The following SARDH variants were observed in gnomAD, a reference collection of about 807,000 sequenced individuals.
The protein encoded by SARDH is sarcosine dehydrogenase, mitochondrial.
Under a neutral mutation model 109.1 loss-of-function variants are expected in SARDH, and 95 were observed. The ratio of observed to expected loss-of-function variants is 0.87; its 90% CI spans 0.74 to 1.03. SARDH has a LOEUF of 1.03. Ranked by LOEUF, SARDH falls within the 50% of genes least tolerant of loss-of-function variation. The pLI is 0.00. For missense variants in SARDH, 1,267 were observed against 1,287.8 expected, an observed-to-expected ratio of 0.98 and a Z score of 0.25; for synonymous variants, 572 against 534.8, an observed-to-expected ratio of 1.07 and a Z score of -0.96.
At position 133,668,358 on chromosome 9, in the gene SARDH, T is replaced by C. The variant is rs7044103; in HGVS notation, c.2496-1488A>G. ...CTCCCTCATTCTCCCTCACCCTCCCTCTCCCTCACCCTCATTCTCCCTCAG... is the reference window on the plus strand; with the variant it reads ...CTCCCTCATTCTCCCTCACCCTCCCCCTCCCTCACCCTCATTCTCCCTCAG... On this transcript the variant is annotated intron_variant, in intron 19 of 20. Transcript: ENST00000439388. 2.2e-3 allele frequency among the ~76,000 whole-genome samples: 168 copies of C among 76,484 alleles called. 4 individuals are homozygous for C. Among genetic ancestry groups the C allele is most frequent in the African/African-American group, 8.9e-3 (158 of 17,752 alleles). 50.2% of individuals were successfully genotyped at this position (76,484 alleles called of 152,430 possible). A position where few individuals can be genotyped will look rare whatever the true frequency, so the allele number is the denominator to read the frequency against.
intron 6 of SARDH, among the ~76,000 whole-genome samples, chr9:133,719,469 G>A (rs1444754751): frequency 1.3e-5 from 2 of 152,138 alleles, no homozygotes; most frequent in African/African-American, 2.4e-5. Flanking sequence ...GGGAGACTGA[G>A]CAAGGCAAGC....
rs968107225 is a variant in SARDH, at chr9:133,716,716, G to A, written c.1150+610C>T. Among the ~76,000 whole-genome samples the A allele has an allele frequency of 2.0e-5, 3 of 152,332 alleles. No homozygotes were observed. The East Asian group carries it at 5.8e-4, about 29-fold the overall frequency. On this transcript the variant is annotated intron_variant, in intron 8 of 20. Coordinates refer to ENST00000439388, the MANE Select transcript of SARDH (RefSeq NM_001134707.2). Reference sequence around the variant, plus strand: ...CAGCCTCTTCCAGCTAAGTTCTCCTGGGGCTAGCAAGGAGGGCCAGAGTTA... The same window carrying A: ...CAGCCTCTTCCAGCTAAGTTCTCCTAGGGCTAGCAAGGAGGGCCAGAGTTA...
intron 15 of SARDH, 112 bp downstream of exon 15, chr9:133,694,146 A>T: frequency 1.3e-6 from 1 of 755,762 alleles, no homozygotes; most frequent in Non-Finnish European, 2.1e-6. Flanking sequence ...CACAACAGCT[A>T]ATGACAGAGC....
intron 19 of SARDH, among the ~76,000 whole-genome samples, chr9:133,670,370 C>T (rs961483864): frequency 6.6e-6 from 1 of 150,900 alleles, no homozygotes; most frequent in Non-Finnish European, 1.5e-5. Flanking sequence ...CTCTGCCTTT[C>T]TGCCTTTAAC....
chr9:133,696,163 G>T (rs544046504), intron 14 of SARDH, 60 bp downstream of exon 14: 1 of 1,600,136 alleles, frequency 6.2e-7, no homozygotes, highest in Non-Finnish European at 8.5e-7. Flanking sequence ...GCTCATCTCA[G>T]TGCCTGAGGC....
chr9:133,735,896 C>A (rs575043953), intron 1 of SARDH, among the ~76,000 whole-genome samples: 1 of 140,994 alleles, frequency 7.1e-6, no homozygotes, highest in Non-Finnish European at 1.6e-5. Flanking sequence ...ATACATTAGC[C>A]GGGGGTGGTG....
chr9:133,708,685 C>T (rs1831798008), intron 10 of SARDH, among the ~76,000 whole-genome samples: 1 of 152,074 alleles, frequency 6.6e-6, no homozygotes, highest in South Asian at 2.1e-4. Flanking sequence ...CTCTCATCCC[C>T]CACAGGGACA....
Position 133,704,945 on chromosome 9 carries a change from C to CA in SARDH, c.1554+2dup, listed in dbSNP as rs759973503. The CA allele has an allele frequency of 2.5e-6, 4 of 1,572,620 alleles. No homozygotes were observed. In the African/African-American group the frequency reaches 5.4e-5, roughly 21 times the overall value. On this transcript the variant is annotated splice_region_variant and intron_variant, in intron 12 of 20. Transcript: ENST00000439388. This position sits in a 1 kb window ranked among gnomAD's most constrained non-coding sequence, Gnocchi z 4.5. Reference sequence around the variant, plus strand: ...GCAGCACAGCCCAGCAGGCACTACTCACCGGAGCTGGGCCTCGGGGATGAA... The same window carrying CA: ...GCAGCACAGCCCAGCAGGCACTACTCAACCGGAGCTGGGCCTCGGGGATGAA...
chr9:133,735,261 G>A (rs895410244), intron 1 of SARDH, among the ~76,000 whole-genome samples: 2 of 152,166 alleles, frequency 1.3e-5, no homozygotes, highest in African/African-American at 2.4e-5. Flanking sequence ...GTGGTGTCCC[G>A]GCTCTGCTCC....
rs541942153 is a variant in SARDH, at chr9:133,728,048, C to T, written c.915+1717G>A. Among the ~76,000 whole-genome samples, 12 of 152,160 alleles carry T rather than the reference C, an allele frequency of 7.9e-5. No individual in the cohort carries two copies. The highest frequency in any genetic ancestry group is 3.9e-4 in the East Asian group (2 of 5,172). On this transcript the variant is annotated intron_variant, in intron 6 of 20. Coordinates refer to ENST00000439388, the MANE Select transcript of SARDH (RefSeq NM_001134707.2). The surrounding 1 kb of genome is among the most constrained non-coding windows in gnomAD (Gnocchi z 5.0). ...GGGGAGGAGGCTCTCCCCAGGGACC[C>T]GGAGCCAGGGAGGAGGCCTCAGCAC...
Position 133,722,850 on chromosome 9 carries a change from G to A in SARDH, c.916-3808C>T, listed in dbSNP as rs148051371. On this transcript the variant is annotated intron_variant, in intron 6 of 20. Coordinates refer to ENST00000439388, the MANE Select transcript of SARDH (RefSeq NM_001134707.2). ...ATTTTTGTGTTTTTAGTAGAGACAGGGTTTCACCATGTTGGCCAGGCTGGT... is the reference window on the plus strand; with the variant it reads ...ATTTTTGTGTTTTTAGTAGAGACAGAGTTTCACCATGTTGGCCAGGCTGGT... 1.3e-3 allele frequency among the ~76,000 whole-genome samples: 199 copies of A among 152,140 alleles called. 1 individual carries two copies. The highest frequency in any genetic ancestry group is 4.6e-3 in the African/African-American group (189 of 41,512).
chr9:133,729,682 A>G, intron 6 of SARDH, 83 bp downstream of exon 6: 1 of 1,248,600 alleles, frequency 8.0e-7, no homozygotes, highest in Non-Finnish European at 1.1e-6. Flanking sequence ...CAAGGGTCAC[A>G]CCACCTGGGT....
chr9:133,707,246 C>G (rs1381806298), intron 11 of SARDH, among the ~76,000 whole-genome samples: 1 of 152,212 alleles, frequency 6.6e-6, no homozygotes, highest in Non-Finnish European at 1.5e-5. Context: ...CTGCTCAGTT[C>G]TGAGGAATGC....
At chr9:133,731,906 A>G (rs1832696227) in intron 3 of SARDH, among the ~76,000 whole-genome samples, 1 of 151,416 alleles carries the variant, frequency 6.6e-6, no homozygotes, top group South Asian at 2.1e-4. Context: ...CCAGCTGTCA[A>G]GAGAGGCCAA....
chr9:133,694,953 C>T (rs1831230702), intron 14 of SARDH, among the ~76,000 whole-genome samples: 1 of 152,048 alleles, frequency 6.6e-6, no homozygotes, highest in South Asian at 2.1e-4. Context: ...AGGTGAGCAG[C>T]AGGTGCCTGG....
rs774387661 is a variant in SARDH at position 133,703,025 on chromosome 9, A to G, written c.1559T>C (p.Leu520Pro). Residue 520 changes from leucine (L) to proline (P), a missense_variant, in exon 13 of 21, where the codon CTC becomes CCC. Coordinates refer to ENST00000439388, the MANE Select transcript of SARDH (RefSeq NM_001134707.2). ...WFHPRGPAPV[L>P]EYDYYGAYGS... ...GTAAGCCCCGTAGTAGTCGTACTCG[A>G]GGACCTGGGAAGAAAAGACGTGGTC... 1.9e-6 allele frequency: 3 copies of G among 1,612,572 alleles called. No individual in the cohort carries two copies. Among genetic ancestry groups the G allele is most frequent in the Non-Finnish European group, 2.5e-6 (3 of 1,179,760 alleles).
In SARDH at chr9:133,731,311, T is replaced by C; in HGVS notation, c.684A>G (p.Gly228=). 6.2e-7 allele frequency: 1 copy of C among 1,614,068 alleles called. No individual in the cohort carries two copies. Among genetic ancestry groups the C allele is most frequent in the Non-Finnish European group, 8.5e-7 (1 of 1,179,984 alleles). ...TTLARAASAR[G]AQVIENCPVT... ...GCCAGGCGGCCATCAGTACCTGTGCTCCTCGGGCAGAAGCTGCCCTGGCGA... is the reference window on the plus strand; with the variant it reads ...GCCAGGCGGCCATCAGTACCTGTGCCCCTCGGGCAGAAGCTGCCCTGGCGA... Residue 228 remains glycine, a synonymous_variant, in exon 4 of 21, where the codon GGA becomes GGG. Transcript: ENST00000439388.
intron 11 of SARDH, among the ~76,000 whole-genome samples, chr9:133,707,333 G>A (rs1588429232): frequency 6.6e-6 from 1 of 152,162 alleles, no homozygotes; most frequent in East Asian, 1.9e-4. Context: ...TGGCAAGGGC[G>A]TGATTACTGA....
chr9:133,662,011 G>C (rs903434715), downstream of SARDH, among the ~76,000 whole-genome samples: 1 of 152,160 alleles, frequency 6.6e-6, no homozygotes, highest in African/African-American at 2.4e-5. The surrounding 1 kb of genome is among the most constrained non-coding windows in gnomAD (Gnocchi z 5.1). Context: ...AGGACCTCTG[G>C]CAGCGCAGGG....
Sources: allele counts gnomAD v4.1 joint callset (sites outside exome capture counted in the v4.1 genomes callset), GRCh38; gene constraint gnomAD v4.1.1; non-coding constraint Gnocchi (gnomAD v3.1); transcripts MANE v1.5; gene names NCBI Gene and HGNC (gene_info 2026-07-23, HGNC 2026-07-21).